The following PLXNA4 variants were observed in gnomAD, a reference collection of about 807,000 sequenced individuals.
The protein encoded by PLXNA4 is plexin A4.
A neutral mutation model predicts 191.8 loss-of-function variants in PLXNA4; 44 were observed. The observed-to-expected ratio is 0.23, with a 90% CI of 0.18 to 0.29. The LOEUF (loss-of-function observed/expected upper bound fraction) is 0.29. Ranked by LOEUF, PLXNA4 falls within the 10% of genes least tolerant of loss-of-function variation. The pLI is 1.00. For missense variants in PLXNA4, 1,800 were observed against 2,488.8 expected, an observed-to-expected ratio of 0.72 and a Z score of 5.89; for synonymous variants, 1,082 against 1,009.5, an observed-to-expected ratio of 1.07 and a Z score of -1.36.
At chr7:132,306,450 GTGA>G (rs1801526469) in intron 3 of PLXNA4, among the ~76,000 whole-genome samples, 1 of 152,160 alleles carries the variant, frequency 6.6e-6, no homozygotes, top group African/African-American at 2.4e-5. Context: ...CAAGCAATGA[GTGA>G]CCAGCCGTAT....
intron 3 of PLXNA4, among the ~76,000 whole-genome samples, chr7:132,366,778 T>C (rs1053640391): frequency 3.9e-5 from 6 of 152,190 alleles, no homozygotes; most frequent in African/African-American, 1.4e-4. Context: ...AAAAACTTTT[T>C]TGAGACAGTG....
intron 20 of PLXNA4, 51 bp downstream of exon 20, chr7:132,179,636 A>G: frequency 6.3e-7 from 1 of 1,592,256 alleles, no homozygotes. Context: ...ATGCACACAC[A>G]TATGCACACA....
At chr7:132,369,357 A>G (rs1804329267) in intron 3 of PLXNA4, among the ~76,000 whole-genome samples, 1 of 152,160 alleles carries the variant, frequency 6.6e-6, no homozygotes, top group South Asian at 2.1e-4. Context: ...CTGACAGGAC[A>G]TGGCTTCCTG....
intron 25 of PLXNA4, among the ~76,000 whole-genome samples, chr7:132,152,327 G>A (rs1358960854): frequency 1.3e-5 from 2 of 152,180 alleles, no homozygotes; most frequent in African/African-American, 4.8e-5. Flanking sequence ...CTGAGGATGA[G>A]ACAGCCCTGC....
chr7:132,285,614 G>A (rs1315464025), intron 4 of PLXNA4, among the ~76,000 whole-genome samples: 1 of 152,136 alleles, frequency 6.6e-6, no homozygotes, highest in Non-Finnish European at 1.5e-5. Context: ...TACCTATATT[G>A]CATTTAGTAA....
chr7:132,159,208 C>T (rs945842290), intron 25 of PLXNA4, among the ~76,000 whole-genome samples: 2 of 152,168 alleles, frequency 1.3e-5, no homozygotes, highest in African/African-American at 4.8e-5. Flanking sequence ...AGAGGCATGT[C>T]CTGCCAGGCA....
rs1429938874 is a variant in PLXNA4, at chr7:132,140,750, T to C, written c.5287A>G (p.Lys1763Glu). The C allele has an allele frequency of 6.2e-7, 1 of 1,613,752 alleles. No homozygotes were observed. Among genetic ancestry groups the C allele is most frequent in the African/African-American group, 1.3e-5 (1 of 74,794 alleles). The change falls in exon 30 of 32, where the codon AAG becomes GAG. Residue 1763 changes from lysine to glutamate, a missense_variant. Coordinates refer to ENST00000321063, the MANE Select transcript of PLXNA4 (RefSeq NM_020911.2). Reference protein sequence around the residue: ...KNPQFVFDIHKNSITDACLSV... With the variant: ...KNPQFVFDIHENSITDACLSV... ...AGGCAGGCGTCTGTGATGCTGTTCTTATGGATGTCAAACACAAACTGCGGG... is the reference window on the plus strand; with the variant it reads ...AGGCAGGCGTCTGTGATGCTGTTCTCATGGATGTCAAACACAAACTGCGGG...
At chr7:132,486,787 T>C (rs1585207797) in intron 3 of PLXNA4, among the ~76,000 whole-genome samples, 1 of 152,216 alleles carries the variant, frequency 6.6e-6, no homozygotes, top group African/African-American at 2.4e-5. Flanking sequence ...AGCCCCAGCC[T>C]CTTGGTGGGG....
chr7:132,288,842 A>T (rs1800779904), intron 4 of PLXNA4, among the ~76,000 whole-genome samples: 2 of 152,200 alleles, frequency 1.3e-5, no homozygotes, highest in Non-Finnish European at 2.9e-5. Context: ...AGCCTCTTCT[A>T]TCAAATCAAT....
At chr7:132,206,628 GC>G (rs1797630407) in intron 10 of PLXNA4, among the ~76,000 whole-genome samples, 1 of 152,054 alleles carries the variant, frequency 6.6e-6, no homozygotes, top group South Asian at 2.1e-4. Flanking sequence ...CTCCCCCTCA[GC>G]CCCGCTCTGT....
At chr7:132,455,131 T>C (rs1163340250) in intron 3 of PLXNA4, among the ~76,000 whole-genome samples, 4 of 152,186 alleles carry the variant, frequency 2.6e-5, no homozygotes, top group Non-Finnish European at 5.9e-5. Flanking sequence ...GCCTGGACGC[T>C]GTTTGCACTC....
rs747166124 is a variant in PLXNA4, at chr7:132,241,066, G to A, written c.1604C>T (p.Thr535Ile). 22 of 1,601,484 alleles carry A rather than the reference G, an allele frequency of 1.4e-5. No homozygotes were observed. The highest frequency in any genetic ancestry group is 1.1e-4 in the African/African-American group (8 of 74,690). The part of the protein sequence containing the change: ...PHCGWCVLHN[T>I]CTRKERCERS... ...GAGGCAGCCTCCCCATGGTACTCAC[G>A]TGTTGTGCAGCACACACCAGCCACA... Residue 535 changes from threonine to isoleucine, a missense_variant and splice_region_variant, in exon 5 of 32, where the codon ACT becomes ATT. Physicochemically the swap from Thr to Ile is moderately conservative, Grantham distance 89. This residue lies in a region of PLXNA4 where 1,397 missense variants were observed against 1,880.4 expected (regional missense o/e 0.74). Coordinates refer to ENST00000321063, the MANE Select transcript of PLXNA4 (RefSeq NM_020911.2).
chr7:132,204,662 A>C (rs1255271351), intron 10 of PLXNA4, among the ~76,000 whole-genome samples: 1 of 152,140 alleles, frequency 6.6e-6, no homozygotes, highest in Non-Finnish European at 1.5e-5. Context: ...TGGCCATGGC[A>C]CCTTCATGGA....
intron 22 of PLXNA4, among the ~76,000 whole-genome samples, chr7:132,167,647 A>G (rs12386694): frequency 0.31 from 47,163 of 152,042 alleles, 12,006 homozygotes; most frequent in African/African-American, 0.71. Context: ...GGATCCTCCT[A>G]TCCCAGCCTC....
intron 3 of PLXNA4, among the ~76,000 whole-genome samples, chr7:132,479,580 G>A (rs1452802829): frequency 2.0e-5 from 3 of 152,242 alleles, no homozygotes; most frequent in Admixed American, 6.5e-5. Flanking sequence ...AGAGAATGCC[G>A]CCCGGCAGTG....
chr7:132,590,024 CAA>C (rs1315565987), intron 2 of PLXNA4, among the ~76,000 whole-genome samples: 1 of 152,130 alleles, frequency 6.6e-6, no homozygotes, highest in Non-Finnish European at 1.5e-5. Flanking sequence ...ATGAAAGGGT[CAA>C]TGTGGGTAGA....
intron 8 of PLXNA4, 65 bp from the exon 9 acceptor site, chr7:132,223,706 G>A: frequency 7.8e-7 from 1 of 1,287,416 alleles, no homozygotes; most frequent in Non-Finnish European, 1.1e-6. Flanking sequence ...GAGGGCTTGA[G>A]TCTCTATGGT....
rs536405862 is a variant in PLXNA4 at position 132,492,018 on chromosome 7, C to G, written c.1189-2544G>C. Among the ~76,000 whole-genome samples, 6 of 152,302 alleles carry G rather than the reference C, an allele frequency of 3.9e-5. No homozygotes were observed. In the East Asian group the frequency reaches 1.2e-3, roughly 29 times the overall value. ...TCGTGGCCCTTGAATGTTCCTGCTT[C>G]TGGTTCACAAGGAGTTCGCATCCCC... On this transcript the variant is annotated intron_variant, in intron 2 of 31. Transcript: ENST00000321063.
chr7:132,138,243 T>C (rs1347550044), intron 30 of PLXNA4, among the ~76,000 whole-genome samples: 1 of 152,108 alleles, frequency 6.6e-6, no homozygotes, highest in Non-Finnish European at 1.5e-5. Flanking sequence ...GCAGTGAGCC[T>C]CTAAGTAAAA....
Sources: allele counts gnomAD v4.1 joint callset (sites outside exome capture counted in the v4.1 genomes callset), GRCh38; gene constraint gnomAD v4.1.1; regional missense constraint gnomAD v4.1.1; transcripts MANE v1.5; gene names NCBI Gene and HGNC (gene_info 2026-07-23, HGNC 2026-07-21).